Variants in FREM2 observed in about 807,000 individuals in gnomAD.
FREM2 encodes FRAS1 related extracellular matrix 2.
In FREM2, 119 loss-of-function variants were observed where a neutral mutation model predicts 219.9. That is an observed-to-expected ratio of 0.54 (90% CI 0.47 to 0.63). FREM2 has a LOEUF of 0.63. FREM2 is among the 30% of genes least tolerant of loss of function. The probability of loss-of-function intolerance (pLI) is 0.00; values close to 1 mark genes in which losing one functional copy is unlikely to be tolerated. For synonymous variants in FREM2, 1,562 were observed against 1,522.8 expected (o/e 1.03, Z -0.60); for missense variants, 4,030 against 3,993.6 (o/e 1.01, Z -0.25).
At chr13:38,728,756 C>G (rs912651546) in intron 2 of FREM2, among the ~76,000 whole-genome samples, 2 of 152,148 alleles carry the variant, frequency 1.3e-5, no homozygotes, top group Non-Finnish European at 2.9e-5. Context: ...AGACCAGGCT[C>G]ATGAAATATT....
intron 2 of FREM2, among the ~76,000 whole-genome samples, chr13:38,708,329 T>C (rs1198303846): frequency 6.6e-6 from 1 of 152,168 alleles, no homozygotes; most frequent in Non-Finnish European, 1.5e-5. Flanking sequence ...GACCTGGATA[T>C]AGCTTGTTTC....
At chr13:38,817,005 T>G (rs1362734601) in intron 6 of FREM2, among the ~76,000 whole-genome samples, 1 of 152,000 alleles carries the variant, frequency 6.6e-6, no homozygotes, top group Admixed American at 6.6e-5. Flanking sequence ...ATAAATTTAG[T>G]CAAGGAGGTG....
chr13:38,728,891 A>G (rs978832304), intron 2 of FREM2, among the ~76,000 whole-genome samples: 4 of 152,164 alleles, frequency 2.6e-5, no homozygotes, highest in Admixed American at 6.5e-5. Flanking sequence ...GCTGGAGTGC[A>G]ATGGCACGAT....
chr13:38,736,244 A>G (rs1214423178), intron 2 of FREM2, among the ~76,000 whole-genome samples: 1 of 152,206 alleles, frequency 6.6e-6, no homozygotes, highest in Non-Finnish European at 1.5e-5. Flanking sequence ...AAGTGGTTCT[A>G]ACTGGCATGT....
At chr13:38,744,808 C>T (rs1187700199) in intron 2 of FREM2, among the ~76,000 whole-genome samples, 1 of 152,174 alleles carries the variant, frequency 6.6e-6, no homozygotes, top group Non-Finnish European at 1.5e-5. Context: ...AATTATTTTA[C>T]AGTAAACAGC....
rs891733811 is a variant in FREM2 at position 38,689,912 on chromosome 13, T to A, written c.2568T>A (p.Asp856Glu). 4 of 1,614,064 alleles carry A rather than the reference T, an allele frequency of 2.5e-6. No individual in the cohort carries two copies. The African/African-American group carries it at 5.3e-5, about 22-fold the overall frequency. ...ILSETELHVN[D>E]VDTDVAHISF... ...GTGAGACAGAGTTGCACGTGAATGA[T>A]GTAGACACTGATGTTGCCCATATCT... is the stretch of plus-strand genomic sequence containing the variant. Residue 856 changes from aspartate to glutamate, a missense_variant, in exon 1 of 24, where the codon GAT becomes GAA. Asp to Glu is a conservative substitution (Grantham distance 45). This residue lies in a region of FREM2 where 3,102 missense variants were observed against 2,950.7 expected (regional missense o/e 1.05). Transcript: ENST00000280481.
At chr13:38,843,037 T>G (rs1168832718) in intron 6 of FREM2, among the ~76,000 whole-genome samples, 1 of 152,210 alleles carries the variant, frequency 6.6e-6, no homozygotes, top group East Asian at 1.9e-4. Context: ...GCTTCCCTTA[T>G]GAATTTCACC....
At chr13:38,871,677 G>T (rs1878163672) in intron 16 of FREM2, among the ~76,000 whole-genome samples, 1 of 152,038 alleles carries the variant, frequency 6.6e-6, no homozygotes, top group South Asian at 2.1e-4. Flanking sequence ...TTTTATCTTT[G>T]TCTCTTTCTA....
intron 1 of FREM2, among the ~76,000 whole-genome samples, chr13:38,695,948 G>A (rs556182641): frequency 5.3e-5 from 8 of 152,080 alleles, no homozygotes; most frequent in Non-Finnish European, 1.2e-4. Context: ...TCATCTACTG[G>A]GAAAGATAAC....
chr13:38,771,442 A>C (rs1055909044), intron 4 of FREM2, among the ~76,000 whole-genome samples: 1 of 152,166 alleles, frequency 6.6e-6, no homozygotes, highest in Non-Finnish European at 1.5e-5. Flanking sequence ...TACCTGAAGA[A>C]ATAAGACACT....
intron 2 of FREM2, among the ~76,000 whole-genome samples, chr13:38,705,302 C>T (rs1388058553): frequency 6.6e-6 from 1 of 151,994 alleles, no homozygotes; most frequent in Non-Finnish European, 1.5e-5. Flanking sequence ...AAGCATGATT[C>T]TGGGTTTTAC....
At chr13:38,810,779 T>C (rs1373943837) in intron 6 of FREM2, among the ~76,000 whole-genome samples, 1 of 151,958 alleles carries the variant, frequency 6.6e-6, no homozygotes, top group East Asian at 1.9e-4. Context: ...CATAGTTTTC[T>C]TTTTTTATAT....
At position 38,710,679 on chromosome 13, in the gene FREM2, G is replaced by T. The variant is rs1033825319; in HGVS notation, c.5263+12892G>T. On this transcript the variant is annotated intron_variant, in intron 2 of 23. Transcript: ENST00000280481. ...GTCACCACACGGCACTTAGTAGGAG[G>T]TCAATAAATACGTGTGGAGTGAGTC... Among the ~76,000 whole-genome samples the T allele has an allele frequency of 4.6e-5, 7 of 152,322 alleles. No homozygotes were observed. In the South Asian group the frequency reaches 1.5e-3, roughly 32 times the overall value.
At chr13:38,815,296 A>G (rs576989829) in intron 6 of FREM2, among the ~76,000 whole-genome samples, 4 of 152,158 alleles carry the variant, frequency 2.6e-5, no homozygotes, top group African/African-American at 4.8e-5. Flanking sequence ...CATTTTGTAC[A>G]TGCCTTTTTC....
chr13:38,801,503 T>G (rs1281115069), intron 6 of FREM2, among the ~76,000 whole-genome samples: 2 of 152,224 alleles, frequency 1.3e-5, no homozygotes, highest in African/African-American at 4.8e-5. Flanking sequence ...GACTTTTTAT[T>G]GACGATCTAT....
At chr13:38,830,923 T>G (rs919233373) in intron 6 of FREM2, among the ~76,000 whole-genome samples, 2 of 152,184 alleles carry the variant, frequency 1.3e-5, no homozygotes, top group African/African-American at 2.4e-5. Context: ...ATGTGTACAT[T>G]CACCTGAAAC....
chr13:38,767,727 A>G (rs1873497000), intron 3 of FREM2, among the ~76,000 whole-genome samples: 1 of 152,194 alleles, frequency 6.6e-6, no homozygotes, highest in Non-Finnish European at 1.5e-5. Flanking sequence ...CTGTGTGCAC[A>G]AGGAACCAGA....
chr13:38,784,441 G>C (rs1309558388), intron 5 of FREM2, 116 bp from the exon 6 acceptor site: 8 of 1,097,494 alleles, frequency 7.3e-6, no homozygotes, highest in Non-Finnish European at 9.5e-6. Context: ...GCAGTTCTAG[G>C]GGTGTTCATG....
Position 38,815,420 on chromosome 13 carries a change from A to C in FREM2, c.6019+30612A>C, listed in dbSNP as rs149452164. Among the ~76,000 whole-genome samples the C allele has an allele frequency of 3.1e-3, 471 of 152,328 alleles. 4 individuals are homozygous for C. Among genetic ancestry groups the C allele is most frequent in the African/African-American group, 0.011 (451 of 41,578 alleles). ...AATTCAGAAGATCAACAAAATGAAG[A>C]GTTAATTTCTTGAAACAATAACAAA... is the stretch of plus-strand genomic sequence containing the variant. On this transcript the variant is annotated intron_variant, in intron 6 of 23. Transcript: ENST00000280481.
Sources: allele counts gnomAD v4.1 joint callset (sites outside exome capture counted in the v4.1 genomes callset), GRCh38; gene constraint gnomAD v4.1.1; regional missense constraint gnomAD v4.1.1; transcripts MANE v1.5; gene names NCBI Gene and HGNC (gene_info 2026-07-23, HGNC 2026-07-21).